MTHFD1: variants seen among roughly 807,000 people sequenced by gnomAD.
The protein encoded by MTHFD1 is methylenetetrahydrofolate dehydrogenase, cyclohydrolase and formyltetrahydrofolate synthetase 1.
MTHFD1 carries 44 observed loss-of-function variants against 110.3 expected under a neutral mutation model. That is an observed-to-expected ratio of 0.40 (90% CI 0.31 to 0.51). The LOEUF (loss-of-function observed/expected upper bound fraction) is 0.51, where lower values mean the gene tolerates loss of function less well. MTHFD1 is among the 20% of genes least tolerant of loss of function. The pLI, the probability that MTHFD1 is intolerant of heterozygous loss-of-function variation, is 0.60. For missense variants in MTHFD1, 909 were observed against 1,173.1 expected (o/e 0.77, Z 3.29); for synonymous variants, 402 against 428.8 (o/e 0.94, Z 0.77).
chr14:64,388,482 A>C lies in MTHFD1; in HGVS notation c.41+14A>C. ...GGAGATCTCCGCGTAAGCACCTGAC[A>C]TTGTTGTTGAGTGTGGGGCTGTGGA... is the stretch of plus-strand genomic sequence containing the variant. On this transcript the variant is annotated intron_variant, in intron 1 of 27. Transcript: ENST00000652337. 6.2e-7 allele frequency: 1 copy of C among 1,612,134 alleles called. No homozygotes were observed. Among genetic ancestry groups the C allele is most frequent in the Non-Finnish European group, 8.5e-7 (1 of 1,179,006 alleles).
At chr14:64,392,598 A>G (rs918284660) in intron 1 of MTHFD1, among the ~76,000 whole-genome samples, 8 of 152,258 alleles carry the variant, frequency 5.3e-5, no homozygotes, top group African/African-American at 1.9e-4. Flanking sequence ...AGTTGGGTAT[A>G]TTTGTAAGCT....
chr14:64,452,743 C>G (rs2078394615), intron 24 of MTHFD1, among the ~76,000 whole-genome samples: 1 of 152,194 alleles, frequency 6.6e-6, no homozygotes, highest in South Asian at 2.1e-4. Context: ...AGGGTGGCAT[C>G]TGCCTCTCAT....
intron 24 of MTHFD1, among the ~76,000 whole-genome samples, chr14:64,450,679 C>A (rs1267267081): frequency 6.6e-6 from 1 of 152,220 alleles, no homozygotes; most frequent in East Asian, 1.9e-4. Flanking sequence ...TTTTCCTATT[C>A]TCTAGGCTAG....
intron 27 of MTHFD1, among the ~76,000 whole-genome samples, chr14:64,458,952 T>C (rs1454480305): frequency 6.6e-6 from 1 of 152,180 alleles, no homozygotes; most frequent in African/African-American, 2.4e-5. Flanking sequence ...ACTGCAAAAA[T>C]ATCAAACATG....
At position 64,448,925 on chromosome 14, in the gene MTHFD1, T is replaced by G. The variant is rs1170248047; in HGVS notation, c.2280-520T>G. 8.6e-5 allele frequency among the ~76,000 whole-genome samples: 13 copies of G among 151,898 alleles called. No individual in the cohort carries two copies. The East Asian group carries it at 9.7e-4, about 11-fold the overall frequency. On this transcript the variant is annotated intron_variant, in intron 23 of 27. Transcript: ENST00000652337. Reference sequence around the variant, plus strand: ...TGCCATTCTCCTGCCTCAGCCTCCCTAGTAGCTGGGACTACAGGTGCCTGC... The same window carrying G: ...TGCCATTCTCCTGCCTCAGCCTCCCGAGTAGCTGGGACTACAGGTGCCTGC...
Position 64,459,743 on chromosome 14 carries a change from T to G in MTHFD1, c.*5-16T>G. ...CTTGCTTAGAGAAAACATTTATTTCTTGTTTTTCCTTCCAGATCACCATCC... is the reference window on the plus strand; with the variant it reads ...CTTGCTTAGAGAAAACATTTATTTCGTGTTTTTCCTTCCAGATCACCATCC... On this transcript the variant is annotated splice_polypyrimidine_tract_variant and intron_variant, in intron 27 of 27. Transcript: ENST00000652337. The G allele has an allele frequency of 2.6e-6, 4 of 1,528,364 alleles. No homozygotes were observed. Among genetic ancestry groups the G allele is most frequent in the Non-Finnish European group, 3.5e-6 (4 of 1,142,202 alleles). The allele number at this position is 1,528,364 out of a possible 1,614,324, so 94.7% of individuals were successfully genotyped here.
intron 8 of MTHFD1, among the ~76,000 whole-genome samples, chr14:64,423,557 C>G (rs1238273497): frequency 6.6e-6 from 1 of 151,734 alleles, no homozygotes; most frequent in Non-Finnish European, 1.5e-5. Flanking sequence ...CCAAGCCCAG[C>G]TGATTTTTTA....
chr14:64,444,112 CTGGGGG>C (rs2078270286), intron 21 of MTHFD1, among the ~76,000 whole-genome samples: 1 of 137,858 alleles, frequency 7.3e-6, no homozygotes, highest in Admixed American at 7.2e-5. Flanking sequence ...AGACTGGGGG[CTGGGGG>C]GCGGGGCGGG....
At chr14:64,394,256 C>T (rs1328382122) in intron 1 of MTHFD1, among the ~76,000 whole-genome samples, 1 of 152,134 alleles carries the variant, frequency 6.6e-6, no homozygotes, top group Non-Finnish European at 1.5e-5. Flanking sequence ...AGCTAAGTGA[C>T]TTGCCCAGGT....
In MTHFD1 at chr14:64,418,010, C is replaced by T; in HGVS notation, c.601C>T (p.His201Tyr). The change falls in exon 7 of 28, where the codon CAT (histidine) becomes TAT (tyrosine). Residue 201 changes from histidine (H) to tyrosine (Y), a missense_variant. His to Tyr is a moderately conservative substitution (Grantham distance 83). Transcript: ENST00000652337. ...GACCACCTGCCACTCCAAGACTGCC[C>T]ATCTGGATGAGGAGGTAGGGTGTCC... ...TVTTCHSKTA[H>Y]LDEEVNKGDI... The T allele has an allele frequency of 6.2e-7, 1 of 1,614,114 alleles. No individual in the cohort carries two copies.
At chr14:64,427,202 T>C (rs2078125447) in intron 11 of MTHFD1, 135 bp from the exon 12 acceptor site, 2 of 1,023,774 alleles carry the variant, frequency 2.0e-6, no homozygotes, top group Admixed American at 4.0e-5. Context: ...ACTACAGGCA[T>C]ACACTGCTAT....
At chr14:64,454,900 G>A in intron 26 of MTHFD1, 25 bp downstream of exon 26, 1 of 1,613,190 alleles carries the variant, frequency 6.2e-7, no homozygotes, top group Non-Finnish European at 8.5e-7. Context: ...CAAGGGAGTA[G>A]TGGGCGCATC....
chr14:64,407,611 C>A lies in MTHFD1; in HGVS notation c.127-3479C>A, dbSNP rs113884362. Among the ~76,000 whole-genome samples the A allele has an allele frequency of 6.1e-3, 851 of 140,132 alleles. 4 individuals are homozygous for A. The highest frequency in any genetic ancestry group is 0.021 in the African/African-American group (782 of 37,216). 91.9% of individuals were successfully genotyped at this position (140,132 alleles called of 152,430 possible). A position where few individuals can be genotyped will look rare whatever the true frequency, so the allele number is the denominator to read the frequency against. On this transcript the variant is annotated intron_variant, in intron 2 of 27. Coordinates refer to ENST00000652337, the MANE Select transcript of MTHFD1 (RefSeq NM_005956.4). ...GCAGGCTGGAGTGCAGTGATGTGATCTCTGCTCACTGAAACCTCTGCCCTC... is the reference window on the plus strand; with the variant it reads ...GCAGGCTGGAGTGCAGTGATGTGATATCTGCTCACTGAAACCTCTGCCCTC...
chr14:64,448,899 A>G (rs1277271041), intron 23 of MTHFD1, among the ~76,000 whole-genome samples: 1 of 151,602 alleles, frequency 6.6e-6, no homozygotes, highest in Non-Finnish European at 1.5e-5. Context: ...TCCCGGGTTC[A>G]TGCCATTCTC....
At chr14:64,420,076 A>G in intron 8 of MTHFD1, 151 bp downstream of exon 8, 2 of 714,778 alleles carry the variant, frequency 2.8e-6, no homozygotes. Context: ...CAGAGTTAGT[A>G]GATAGAAGAG....
chr14:64,390,938 T>C (rs2077799332), intron 1 of MTHFD1, among the ~76,000 whole-genome samples: 1 of 152,102 alleles, frequency 6.6e-6, no homozygotes, highest in Non-Finnish European at 1.5e-5. Context: ...CATGAGCCAC[T>C]GCACCGGTCC....
chr14:64,393,218 G>A (rs2140940411), intron 1 of MTHFD1, among the ~76,000 whole-genome samples: 1 of 152,198 alleles, frequency 6.6e-6, no homozygotes, highest in Admixed American at 6.5e-5. Context: ...TGACTAACAT[G>A]GTGAAACCCC....
intron 24 of MTHFD1, among the ~76,000 whole-genome samples, chr14:64,450,637 G>A (rs1349907136): frequency 6.6e-6 from 1 of 152,178 alleles, no homozygotes; most frequent in Non-Finnish European, 1.5e-5. Context: ...TGGAAACTTT[G>A]TTAGGAATAT....
intron 26 of MTHFD1, chr14:64,455,179 GGGT>G (rs1282217959): frequency 2.5e-6 from 1 of 399,478 alleles, no homozygotes; most frequent in Non-Finnish European, 4.7e-6. Context: ...TGATAGGCTG[GGGT>G]AGTGCTAACA....
Sources: allele counts gnomAD v4.1 joint callset (sites outside exome capture counted in the v4.1 genomes callset), GRCh38; gene constraint gnomAD v4.1.1; transcripts MANE v1.5; gene names NCBI Gene and HGNC (gene_info 2026-07-23, HGNC 2026-07-21).